Variants in GLP2R observed in about 807,000 individuals in gnomAD.
The protein encoded by GLP2R is glucagon-like peptide 2 receptor.
GLP2R carries 59 observed loss-of-function variants against 68.2 expected under a neutral mutation model. The observed-to-expected ratio is 0.87, with a 90% CI of 0.70 to 1.07. The LOEUF is 1.07. Ranked by LOEUF, GLP2R falls within the 50% of genes least tolerant of loss-of-function variation. The probability of loss-of-function intolerance (pLI) is 0.00; values close to 1 mark genes in which losing one functional copy is unlikely to be tolerated. For missense variants in GLP2R, 548 were observed against 677.4 expected, an observed-to-expected ratio of 0.81 and a Z score of 2.12; for synonymous variants, 270 against 265.4, an observed-to-expected ratio of 1.02 and a Z score of -0.17.
intron 4 of GLP2R, among the ~76,000 whole-genome samples, chr17:9,851,817 T>C (rs1308469485): frequency 1.1e-4 from 16 of 152,188 alleles, no homozygotes; most frequent in Admixed American, 1.0e-3. Context: ...GAAATAAATT[T>C]AGTTTTTAAA....
intron 3 of GLP2R, among the ~76,000 whole-genome samples, chr17:9,839,518 T>C (rs1242306268): frequency 2.6e-5 from 4 of 151,922 alleles, no homozygotes; most frequent in African/African-American, 9.7e-5. Context: ...CATCTCCTCC[T>C]CCCCTCCATC....
intron 4 of GLP2R, among the ~76,000 whole-genome samples, chr17:9,845,447 G>A (rs552674014): frequency 1.4e-3 from 206 of 152,300 alleles, no homozygotes; most frequent in African/African-American, 4.8e-3. Context: ...TGCAGGCATC[G>A]TAAGATGGGG....
intron 6 of GLP2R, 65 bp from the exon 7 acceptor site, chr17:9,859,877 T>C (rs2152039591): frequency 1.8e-6 from 1 of 558,154 alleles, no homozygotes; most frequent in Admixed American, 3.4e-5. Context: ...GAGGCCCTTC[T>C]CCCCCGACTC....
chr17:9,873,556 C>CTTTTTTTTTTTTTTTGTTTTTTTTT (rs2067115682), intron 10 of GLP2R, among the ~76,000 whole-genome samples: 1 of 52,076 alleles, frequency 1.9e-5, no homozygotes, highest in Non-Finnish European at 3.4e-5. Context: ...TATGCATGGA[C>CTTTTTTTTTTTTTTTGTTTTTTTTT]TTTTTTTTTT....
chr17:9,832,636 T>C (rs1377663368), intron 1 of GLP2R, among the ~76,000 whole-genome samples: 1 of 151,924 alleles, frequency 6.6e-6, no homozygotes, highest in Non-Finnish European at 1.5e-5. Context: ...GATGCTGAGG[T>C]GCGAGGATCA....
chr17:9,861,388 C>T (rs2066986171), intron 8 of GLP2R, among the ~76,000 whole-genome samples, 189 bp downstream of exon 8: 1 of 152,056 alleles, frequency 6.6e-6, no homozygotes, highest in Non-Finnish European at 1.5e-5. Flanking sequence ...AATTTAGTTA[C>T]ACATGCAAAT....
intron 4 of GLP2R, among the ~76,000 whole-genome samples, chr17:9,845,104 G>C (rs114339221): frequency 0.014 from 2,152 of 151,312 alleles, 43 homozygotes; most frequent in African/African-American, 0.05. Context: ...TGTTCCCCAG[G>C]GTGGAGTGCA....
intron 2 of GLP2R, chr17:9,834,427 C>A (rs190175544): frequency 3.7e-5 from 6 of 161,550 alleles, no homozygotes; most frequent in Non-Finnish European, 8.2e-5. Context: ...GTGGGGGGCG[C>A]GGGTCTCCCA....
At chr17:9,845,076 T>G (rs1182837802) in intron 4 of GLP2R, among the ~76,000 whole-genome samples, 147 of 144,760 alleles carry the variant, frequency 1.0e-3, no homozygotes, top group Non-Finnish European at 1.7e-3. Context: ...TTTTTTTTTT[T>G]GAGATAGAGT....
At chr17:9,826,549 C>T (rs77350732) in intron 1 of GLP2R, among the ~76,000 whole-genome samples, 15 of 152,226 alleles carry the variant, frequency 9.9e-5, no homozygotes, top group South Asian at 4.2e-4. Context: ...CATTTCCCCA[C>T]GTCAATGTGA....
At chr17:9,845,261 C>A (rs1407236137) in intron 4 of GLP2R, among the ~76,000 whole-genome samples, 1 of 152,170 alleles carries the variant, frequency 6.6e-6, no homozygotes, top group African/African-American at 2.4e-5. Context: ...ATTGCCCAGG[C>A]TGAATTGTGG....
chr17:9,882,891 C>T (rs1334611482), intron 11 of GLP2R, among the ~76,000 whole-genome samples: 1 of 151,006 alleles, frequency 6.6e-6, no homozygotes, highest in Non-Finnish European at 1.5e-5. Flanking sequence ...ACTGGGGAAT[C>T]AGAATCCTGA....
intron 1 of GLP2R, among the ~76,000 whole-genome samples, chr17:9,830,463 A>T (rs2066670684): frequency 6.6e-6 from 1 of 152,254 alleles, no homozygotes; most frequent in Non-Finnish European, 1.5e-5. Flanking sequence ...TATGTTAATA[A>T]CTTACATGCT....
At chr17:9,834,669 T>C (rs965784671) in intron 2 of GLP2R, 2 of 152,346 alleles carry the variant, frequency 1.3e-5, no homozygotes, top group African/African-American at 2.4e-5. Context: ...GATCATTTTA[T>C]TCAGAGGCCT....
intron 11 of GLP2R, among the ~76,000 whole-genome samples, 179 bp downstream of exon 11, chr17:9,880,695 C>A (rs1007997226): frequency 2.6e-5 from 4 of 152,182 alleles, no homozygotes; most frequent in African/African-American, 9.7e-5. Context: ...TTGCGTTGAT[C>A]CTGCCAGCAT....
chr17:9,841,828 G>A (rs1441137209), intron 3 of GLP2R, among the ~76,000 whole-genome samples: 3 of 152,160 alleles, frequency 2.0e-5, no homozygotes, highest in Non-Finnish European at 2.9e-5. Context: ...TCGACTTCTC[G>A]TTTGCAAGCT....
At chr17:9,832,539 G>A (rs762142438) in intron 1 of GLP2R, among the ~76,000 whole-genome samples, 11 of 151,992 alleles carry the variant, frequency 7.2e-5, no homozygotes, top group Non-Finnish European at 1.3e-4. Context: ...TCCAGCCTGG[G>A]TGACAGAGGG....
intron 10 of GLP2R, among the ~76,000 whole-genome samples, chr17:9,879,114 C>A (rs920108559): frequency 1.3e-5 from 2 of 151,718 alleles, no homozygotes; most frequent in Non-Finnish European, 2.9e-5. Context: ...ATGAGGAGTT[C>A]CTTAAAAAGT....
At chr17:9,840,493 A>G (rs1476703898) in intron 3 of GLP2R, among the ~76,000 whole-genome samples, 1 of 152,254 alleles carries the variant, frequency 6.6e-6, no homozygotes. Context: ...GTTGTATGCC[A>G]TGCATTATTT....
Sources: allele counts gnomAD v4.1 joint callset (sites outside exome capture counted in the v4.1 genomes callset), GRCh38; gene constraint gnomAD v4.1.1; transcripts MANE v1.5; gene names NCBI Gene and HGNC (gene_info 2026-07-23, HGNC 2026-07-21).